Variants in VWA5B1 observed in about 807,000 individuals in gnomAD.
The protein encoded by VWA5B1 is von Willebrand factor A domain-containing protein 5B1.
Under a neutral mutation model 118.2 loss-of-function variants are expected in VWA5B1, and 115 were observed. The ratio of observed to expected loss-of-function variants is 0.97; its 90% CI spans 0.84 to 1.14. The LOEUF is 1.14. Ranked by LOEUF, VWA5B1 falls within the 50% of genes most tolerant of loss-of-function variation. The pLI is 0.00. For missense variants in VWA5B1, 1,596 were observed against 1,603.8 expected (o/e 1.00, Z 0.08); for synonymous variants, 682 against 658.4 (o/e 1.04, Z -0.55).
chr1:20,334,608 C>T (rs2089662681), intron 12 of VWA5B1, among the ~76,000 whole-genome samples: 1 of 152,046 alleles, frequency 6.6e-6, no homozygotes, highest in Non-Finnish European at 1.5e-5. Flanking sequence ...GTCAAGAGTT[C>T]GAGACCAGCC....
intron 5 of VWA5B1, among the ~76,000 whole-genome samples, chr1:20,318,157 C>A (rs2089083933): frequency 6.6e-6 from 1 of 151,610 alleles, no homozygotes; most frequent in Non-Finnish European, 1.5e-5. Flanking sequence ...TCCCCACAAC[C>A]ACTCAGAGCC....
intron 2 of VWA5B1, among the ~76,000 whole-genome samples, chr1:20,312,449 A>G (rs1460529410): frequency 1.3e-5 from 2 of 151,956 alleles, no homozygotes; most frequent in African/African-American, 2.4e-5. Context: ...CTGGATTAGA[A>G]CTCTAGTCTT....
intron 1 of VWA5B1, among the ~76,000 whole-genome samples, chr1:20,304,579 A>ATG (rs145345094): frequency 4.6e-5 from 7 of 151,688 alleles, no homozygotes; most frequent in African/African-American, 1.4e-4. Context: ...ACGTGCGTGC[A>ATG]TGTGTGTGTG....
intron 8 of VWA5B1, among the ~76,000 whole-genome samples, chr1:20,327,175 A>T (rs2089411899): frequency 1.3e-5 from 2 of 152,110 alleles, no homozygotes; most frequent in Non-Finnish European, 1.5e-5. Flanking sequence ...GCAAAGTGAC[A>T]TGGCTTTGAG....
chr1:20,323,518 A>G lies in VWA5B1; in HGVS notation c.1129A>G (p.Met377Val), dbSNP rs1173068035. 20 of 1,482,240 alleles carry G rather than the reference A, an allele frequency of 1.3e-5. No homozygotes were observed. Among genetic ancestry groups the G allele is most frequent in the Admixed American group, 4.8e-5 (2 of 41,638 alleles). 91.8% of individuals were successfully genotyped at this position (1,482,240 alleles called of 1,614,324 possible). Residue 377 changes from methionine (M) to valine (V), a missense_variant, in exon 8 of 22, where the codon ATG becomes GTG. Transcript: ENST00000289815. ...DRSSSMSGIS[M>V]HRVKDAMLVA... ...GAGCAGCAGCATGAGCGGGATCAGC[A>G]TGCACCGAGTCAAGGTACCTGCTGA... is the stretch of plus-strand genomic sequence containing the variant.
chr1:20,326,172 T>C (rs2089373478), intron 8 of VWA5B1, among the ~76,000 whole-genome samples: 1 of 152,086 alleles, frequency 6.6e-6, no homozygotes, highest in Non-Finnish European at 1.5e-5. Flanking sequence ...ACGCAAGCAA[T>C]GAAGAGAGAT....
intron 15 of VWA5B1, 125 bp downstream of exon 15, chr1:20,342,734 T>C: frequency 8.1e-7 from 1 of 1,236,378 alleles, no homozygotes. Context: ...CTGCTGCGGC[T>C]CACCCCTCTC....
chr1:20,353,894 G>A lies in VWA5B1; in HGVS notation c.3279G>A (p.Glu1093=), dbSNP rs1383216792. 5.2e-6 allele frequency: 8 copies of A among 1,548,186 alleles called. No homozygotes were observed. The South Asian group carries it at 6.0e-5, about 12-fold the overall frequency. The change falls in exon 22 of 22, where the codon GAG becomes GAA. Residue 1093 remains glutamate, a synonymous_variant. Coordinates refer to ENST00000289815, the MANE Select transcript of VWA5B1 (RefSeq NM_001039500.3). ...HRVSLTTRPS[E]SKTPSPQLCT... ...TGTCCCTCACCACCCGCCCGTCTGA[G>A]TCCAAGACCCCGAGTCCCCAGCTGT...
At chr1:20,295,244 G>A (rs1212402654) in intron 1 of VWA5B1, among the ~76,000 whole-genome samples, 1 of 152,162 alleles carries the variant, frequency 6.6e-6, no homozygotes, top group Non-Finnish European at 1.5e-5. Flanking sequence ...GAGGTCTGGG[G>A]AAGAGCACAT....
chr1:20,318,371 T>C, intron 5 of VWA5B1: 2 of 643,580 alleles, frequency 3.1e-6, no homozygotes, highest in South Asian at 3.6e-5. Flanking sequence ...AGATCCTGAG[T>C]TCAGAGCAGG....
intron 6 of VWA5B1, 32 bp from the exon 7 acceptor site, chr1:20,319,350 C>T (rs756773802): frequency 8.4e-6 from 13 of 1,548,832 alleles, no homozygotes; most frequent in African/African-American, 1.4e-5. Flanking sequence ...CGATACCTGG[C>T]CAAGTGCTGA....
chr1:20,312,748 G>A (rs2088885928), intron 2 of VWA5B1, 88 bp from the exon 3 acceptor site: 2 of 1,419,022 alleles, frequency 1.4e-6, no homozygotes, highest in Non-Finnish European at 9.2e-7. Flanking sequence ...CCACCCAACA[G>A]GCAGACCAAG....
At chr1:20,333,579 A>G (rs991247590) in intron 12 of VWA5B1, among the ~76,000 whole-genome samples, 3 of 152,348 alleles carry the variant, frequency 2.0e-5, no homozygotes, top group Non-Finnish European at 2.9e-5. Flanking sequence ...AATTTCCCCT[A>G]AGTGATATGG....
At chr1:20,314,880 A>T (rs1256998958) in intron 4 of VWA5B1, among the ~76,000 whole-genome samples, 1 of 152,042 alleles carries the variant, frequency 6.6e-6, no homozygotes, top group Non-Finnish European at 1.5e-5. Context: ...CTCAAGAGGT[A>T]CTTTCTGAGC....
At chr1:20,326,240 T>C (rs569690228) in intron 8 of VWA5B1, among the ~76,000 whole-genome samples, 1 of 152,214 alleles carries the variant, frequency 6.6e-6, no homozygotes, top group East Asian at 1.9e-4. Flanking sequence ...GGTGTGAGTA[T>C]GTGGAGCCTG....
chr1:20,296,669 C>G (rs1408679315), intron 1 of VWA5B1, among the ~76,000 whole-genome samples: 1 of 152,208 alleles, frequency 6.6e-6, no homozygotes, highest in Non-Finnish European at 1.5e-5. Flanking sequence ...AGTTTTGGCA[C>G]ATGGTTGTAA....
At position 20,345,564 on chromosome 1, in the gene VWA5B1, T is replaced by A; in HGVS notation, c.2735T>A (p.Leu912Gln). The A allele has an allele frequency of 6.4e-7, 1 of 1,550,564 alleles. No individual in the cohort carries two copies. The highest frequency in any genetic ancestry group is 1.7e-4 in the Middle Eastern group (1 of 5,862). Reference protein sequence around the residue: ...VPVDVSKSRYLPTVVEYPNSG... With the variant: ...VPVDVSKSRYQPTVVEYPNSG... Reference sequence around the variant, plus strand: ...GTGGACGTGAGCAAGAGCCGGTACCTGCCCACCGTGGTGGAGTACCCCAAC... The same window carrying A: ...GTGGACGTGAGCAAGAGCCGGTACCAGCCCACCGTGGTGGAGTACCCCAAC... The change falls in exon 17 of 22, where the codon CTG becomes CAG. Residue 912 changes from leucine (L) to glutamine (Q), a missense_variant. Coordinates refer to ENST00000289815, the MANE Select transcript of VWA5B1 (RefSeq NM_001039500.3).
In VWA5B1 at chr1:20,320,096, C is replaced by T. The variant is rs138260634; in HGVS notation, c.966+590C>T. On this transcript the variant is annotated intron_variant, in intron 7 of 21. Coordinates refer to ENST00000289815, the MANE Select transcript of VWA5B1 (RefSeq NM_001039500.3). Reference sequence around the variant, plus strand: ...AAGTCACACCCCATGCTCTGCCTCCCGCTCATGGTCCTGCACACTGAGCCA... The same window carrying T: ...AAGTCACACCCCATGCTCTGCCTCCTGCTCATGGTCCTGCACACTGAGCCA... Among the ~76,000 whole-genome samples, 9 of 152,280 alleles carry T rather than the reference C, an allele frequency of 5.9e-5. No homozygotes were observed. In the East Asian group the frequency reaches 7.7e-4, roughly 13 times the overall value.
At chr1:20,323,113 C>T (rs1042149032) in intron 7 of VWA5B1, 1 of 346,528 alleles carries the variant, frequency 2.9e-6, no homozygotes. Context: ...CCCCATATCA[C>T]ACAGTCGGAT....
Sources: allele counts gnomAD v4.1 joint callset (sites outside exome capture counted in the v4.1 genomes callset), GRCh38; gene constraint gnomAD v4.1.1; transcripts MANE v1.5; gene names NCBI Gene and HGNC (gene_info 2026-07-23, HGNC 2026-07-21).